The following HBP1 variants were observed in gnomAD, a reference collection of about 807,000 sequenced individuals.
The protein encoded by HBP1 is HMG-box transcription factor 1.
A neutral mutation model predicts 62.6 loss-of-function variants in HBP1; 20 were observed. The observed-to-expected ratio is 0.32, with a 90% CI of 0.22 to 0.46. The LOEUF (loss-of-function observed/expected upper bound fraction) is 0.46, where lower values mean the gene tolerates loss of function less well. Ranked by LOEUF, HBP1 falls within the 20% of genes least tolerant of loss-of-function variation. HBP1 has a pLI of 1.00. For synonymous variants in HBP1, 232 were observed against 206.2 expected (o/e 1.12, Z -1.07); for missense variants, 480 against 611.8 (o/e 0.78, Z 2.27).
rs769918745 is a variant in HBP1 at position 107,190,335 on chromosome 7, CTTTGT to C, written c.1067+22_1067+26del. 6.4e-6 allele frequency: 10 copies of C among 1,563,664 alleles called. 1 individual carries two copies. The highest frequency in any genetic ancestry group is 5.5e-5 in the African/African-American group (4 of 73,384). On this transcript the variant is annotated intron_variant, in intron 8 of 10. Coordinates refer to ENST00000222574, the MANE Select transcript of HBP1 (RefSeq NM_012257.4). ...TTTAAAAGGTAATATTGGATTAATT[CTTTGT>C]TTTATTTTCCTCTTAAAGTTTGCCC...
chr7:107,187,559 C>T (rs1208871041), intron 6 of HBP1, among the ~76,000 whole-genome samples: 1 of 152,050 alleles, frequency 6.6e-6, no homozygotes, highest in African/African-American at 2.4e-5. Flanking sequence ...TGTTTTGATC[C>T]TGCTATGTCT....
chr7:107,179,367 T>C (rs1204717714), intron 1 of HBP1, among the ~76,000 whole-genome samples: 18 of 152,240 alleles, frequency 1.2e-4, no homozygotes, highest in Admixed American at 1.2e-3. Context: ...TCTTTTGGGA[T>C]TGAAATGTGA....
chr7:107,180,359 C>T (rs1442240525), intron 2 of HBP1, among the ~76,000 whole-genome samples: 1 of 152,214 alleles, frequency 6.6e-6, no homozygotes, highest in Non-Finnish European at 1.5e-5. Flanking sequence ...TTGAAATATA[C>T]TTGAGAGAGC....
rs112379273 is a variant in HBP1 at position 107,180,840 on chromosome 7, G to A, written c.169+778G>A. Among the ~76,000 whole-genome samples, 10 of 152,216 alleles carry A rather than the reference G, an allele frequency of 6.6e-5. 3 individuals carry two copies. The highest frequency in any genetic ancestry group is 2.4e-4 in the African/African-American group (10 of 41,528). The stretch of plus-strand genomic sequence containing the variant: ...TATTTATTGAGTACTGGTTACTTTT[G>A]AGCAAGGAGTGCCATTTTAATCAGG... On this transcript the variant is annotated intron_variant, in intron 2 of 10. Transcript: ENST00000222574.
chr7:107,189,560 C>A (rs1797547936), intron 7 of HBP1, 112 bp downstream of exon 7: 4 of 730,530 alleles, frequency 5.5e-6, no homozygotes, highest in Non-Finnish European at 9.0e-6. Flanking sequence ...AAACGTCTTT[C>A]AAACTAAATA....
rs1797386609 is a variant in HBP1, at chr7:107,186,612, A to G, written c.696A>G (p.Gln232=). Residue 232 remains glutamine, a synonymous_variant, in exon 6 of 11, where the codon CAA becomes CAG. Coordinates refer to ENST00000222574, the MANE Select transcript of HBP1 (RefSeq NM_012257.4). ...CFHKGSNKEW[Q]DVEDFARAEG... ...ATAAGGGAAGCAATAAGGAATGGCA[A>G]GATGTTGAAGATTTTGCTAGAGCTG... The G allele has an allele frequency of 5.0e-6, 8 of 1,613,790 alleles. No individual in the cohort carries two copies. Among genetic ancestry groups the G allele is most frequent in the African/African-American group, 1.3e-5 (1 of 74,948 alleles).
chr7:107,201,494 TAAGAAG>T lies in HBP1; in HGVS notation c.*65_*70del, dbSNP rs1477737867. 4 of 1,051,726 alleles carry T rather than the reference TAAGAAG, an allele frequency of 3.8e-6. No individual in the cohort carries two copies. The highest frequency in any genetic ancestry group is 5.9e-6 in the Non-Finnish European group (4 of 678,714). 65.1% of individuals were successfully genotyped at this position (1,051,726 alleles called of 1,614,324 possible). Reference sequence around the variant, plus strand: ...TACATTGACTCTTGATGGAAAGACTTAAGAAGATCAAGGTCTCACCATTTGTCCTCA... The same window carrying T: ...TACATTGACTCTTGATGGAAAGACTTATCAAGGTCTCACCATTTGTCCTCA... On this transcript the variant is annotated 3_prime_UTR_variant, in exon 11 of 11. Coordinates refer to ENST00000222574, the MANE Select transcript of HBP1 (RefSeq NM_012257.4).
intron 7 of HBP1, 63 bp downstream of exon 7, chr7:107,189,511 T>G: frequency 7.8e-7 from 1 of 1,284,122 alleles, no homozygotes; most frequent in Non-Finnish European, 1.1e-6. Flanking sequence ...TCTGTAATTA[T>G]GTCTGTAGCT....
chr7:107,189,188 T>A, intron 6 of HBP1, 104 bp from the exon 7 acceptor site: 1 of 905,988 alleles, frequency 1.1e-6, no homozygotes, highest in Non-Finnish European at 1.7e-6. Flanking sequence ...GGATCCTGTC[T>A]TGGTTATTTT....
rs1797542698 is a variant in HBP1, at chr7:107,189,463, G to C, written c.922+15G>C. 6.4e-7 allele frequency: 1 copy of C among 1,572,184 alleles called. No individual in the cohort carries two copies. The highest frequency in any genetic ancestry group is 1.9e-5 in the Admixed American group (1 of 53,988). ...TAAAAATAAAGGTAGGGCTTGAATT[G>C]CATTTGTAGTAACTTTTTTTAAACA... On this transcript the variant is annotated intron_variant, in intron 7 of 10. Transcript: ENST00000222574.
chr7:107,189,171 A>G (rs1193033662), intron 6 of HBP1, 121 bp from the exon 7 acceptor site: 3 of 741,272 alleles, frequency 4.0e-6, no homozygotes, highest in Non-Finnish European at 4.4e-6. Context: ...AAGCTCTTTA[A>G]TGGCAGGGAT....
chr7:107,171,996 C>T (rs990605365), intron 1 of HBP1, among the ~76,000 whole-genome samples: 3 of 151,732 alleles, frequency 2.0e-5, no homozygotes, highest in Admixed American at 6.6e-5. Flanking sequence ...CTGCATATCA[C>T]AAAATTCAGG....
rs201453687 is a variant in HBP1 at position 107,182,470 on chromosome 7, A to G, written c.267A>G (p.Ser89=). The change falls in exon 3 of 11, where the codon TCA becomes TCG. Residue 89 remains serine, a synonymous_variant. Coordinates refer to ENST00000222574, the MANE Select transcript of HBP1 (RefSeq NM_012257.4). ...TTTCACATCAAGAATACCCAAGATC[A>G]TCTTGGAACCAAAATACCTCAGACA... ...SDVSHQEYPR[S]SWNQNTSDIP... is the part of the protein sequence containing the mutation. 34 of 1,612,752 alleles carry G rather than the reference A, an allele frequency of 2.1e-5. No individual in the cohort carries two copies. The highest frequency in any genetic ancestry group is 6.7e-5 in the Admixed American group (4 of 60,022).
intron 1 of HBP1, chr7:107,174,779 G>A: frequency 1.2e-6 from 1 of 840,306 alleles, no homozygotes. Context: ...TTCAGATAAG[G>A]TTGACTGTGC....
chr7:107,169,650 G>A, intron 1 of HBP1: 1 of 743,266 alleles, frequency 1.3e-6, no homozygotes, highest in Non-Finnish European at 1.6e-6. Context: ...GCCTCCTTCT[G>A]GACTGAGGGG....
chr7:107,188,446 T>C (rs974682201), intron 6 of HBP1, among the ~76,000 whole-genome samples: 4 of 152,238 alleles, frequency 2.6e-5, no homozygotes, highest in African/African-American at 4.8e-5. Flanking sequence ...TAAGTCATCC[T>C]CTCTTATTCA....
At chr7:107,182,867 AC>A (rs1440898373) in intron 3 of HBP1, among the ~76,000 whole-genome samples, 1 of 152,212 alleles carries the variant, frequency 6.6e-6, no homozygotes, top group Non-Finnish European at 1.5e-5. Context: ...AAATACTTTT[AC>A]TATACATTTC....
intron 1 of HBP1, among the ~76,000 whole-genome samples, chr7:107,170,977 A>ATG: frequency 6.9e-6 from 1 of 145,352 alleles, no homozygotes; most frequent in African/African-American, 2.5e-5. Flanking sequence ...TATATAACAT[A>ATG]CATGTATATA....
Position 107,202,265 on chromosome 7 carries a change from C to G in HBP1, c.*834C>G, listed in dbSNP as rs1408127330. ...CTTTATGGTGGGGGCAGACTTTGCA[C>G]TTACTGCAGTGCAACACTTGCACTT... On this transcript the variant is annotated 3_prime_UTR_variant, in exon 11 of 11. Transcript: ENST00000222574. 1 of 152,624 alleles carries G rather than the reference C, an allele frequency of 6.6e-6. No individual in the cohort carries two copies. Among genetic ancestry groups the G allele is most frequent in the Non-Finnish European group, 1.5e-5 (1 of 68,028 alleles). The allele number at this position is 152,624 out of a possible 1,614,324, so 9.5% of individuals were successfully genotyped here. A position where few individuals can be genotyped will look rare whatever the true frequency, so the allele number is the denominator to read the frequency against.
Sources: allele counts gnomAD v4.1 joint callset (sites outside exome capture counted in the v4.1 genomes callset), GRCh38; gene constraint gnomAD v4.1.1; transcripts MANE v1.5; gene names NCBI Gene and HGNC (gene_info 2026-07-23, HGNC 2026-07-21).